The following SVOPL variants were observed in gnomAD, a reference collection of about 807,000 sequenced individuals.
SVOPL encodes the protein putative transporter SVOPL.
Under a neutral mutation model 61.0 loss-of-function variants are expected in SVOPL, and 60 were observed. The ratio of observed to expected loss-of-function variants is 0.98; its 90% CI spans 0.80 to 1.22. The LOEUF (loss-of-function observed/expected upper bound fraction) is 1.22. Among genes scored for constraint, SVOPL ranks in the 50% most tolerant of loss-of-function variants. The probability of loss-of-function intolerance (pLI) is 0.00; values close to 1 mark genes in which losing one functional copy is unlikely to be tolerated. For synonymous variants in SVOPL, 279 were observed against 250.0 expected (o/e 1.12, Z -1.09); for missense variants, 662 against 643.9 (o/e 1.03, Z -0.30).
chr7:138,602,839 C>A (rs1163533953), intron 14 of SVOPL, among the ~76,000 whole-genome samples: 4 of 151,970 alleles, frequency 2.6e-5, no homozygotes, highest in Non-Finnish European at 2.9e-5. Flanking sequence ...GGTAAGAAAC[C>A]TTTTTATGCC....
chr7:138,644,685 G>C (rs569230292), intron 9 of SVOPL, 32 bp downstream of exon 9: 1 of 1,610,658 alleles, frequency 6.2e-7, no homozygotes, highest in Admixed American at 1.7e-5. Context: ...GGCCACTGGT[G>C]ATAGGAGAAG....
intron 13 of SVOPL, among the ~76,000 whole-genome samples, chr7:138,622,282 C>CTATCTATGTATG (rs1799697616): frequency 1.5e-5 from 2 of 134,912 alleles, no homozygotes; most frequent in African/African-American, 5.7e-5. Context: ...ATCTATCTAT[C>CTATCTATGTATG]TATCTATCTA....
intron 9 of SVOPL, among the ~76,000 whole-genome samples, chr7:138,631,992 A>ACACACACACACACACACACACC (rs1224217933): frequency 6.6e-6 from 1 of 150,614 alleles, no homozygotes; most frequent in African/African-American, 2.4e-5. Context: ...ACATACACAC[A>ACACACACACACACACACACACC]CCCCTACACC....
chr7:138,700,747 G>A (rs1194373976), intron 1 of SVOPL, among the ~76,000 whole-genome samples: 1 of 151,706 alleles, frequency 6.6e-6, no homozygotes, highest in South Asian at 2.1e-4. Context: ...ACCAACTCAG[G>A]AAAATAGGGA....
At chr7:138,660,396 C>G in intron 5 of SVOPL, 4 of 987,454 alleles carry the variant, frequency 4.1e-6, no homozygotes, top group Non-Finnish European at 4.8e-6. Context: ...TCATAGTAAA[C>G]AATACAGAAG....
chr7:138,663,902 T>C (rs1447474558), intron 4 of SVOPL, among the ~76,000 whole-genome samples: 1 of 152,184 alleles, frequency 6.6e-6, no homozygotes, highest in Admixed American at 6.5e-5. Flanking sequence ...TCGCTGTCGC[T>C]GTTCTGCTTT....
chr7:138,638,489 T>C (rs1800612993), intron 9 of SVOPL, among the ~76,000 whole-genome samples: 1 of 152,048 alleles, frequency 6.6e-6, no homozygotes, highest in Non-Finnish European at 1.5e-5. Flanking sequence ...ATTGGCAAGA[T>C]CATATTTAGC....
intron 1 of SVOPL, among the ~76,000 whole-genome samples, chr7:138,681,331 A>T (rs1412720363): frequency 6.7e-6 from 1 of 148,524 alleles, no homozygotes; most frequent in Non-Finnish European, 1.5e-5. Flanking sequence ...AACATATAAT[A>T]TTAACAAATA....
rs182459129 is a variant in SVOPL at position 138,618,857 on chromosome 7, A to G, written c.1353+2189T>C. Among the ~76,000 whole-genome samples the G allele has an allele frequency of 9.1e-4, 138 of 152,360 alleles. 2 individuals are homozygous for G. Among genetic ancestry groups the G allele is most frequent in the Admixed American group, 1.5e-3 (23 of 15,298 alleles). On this transcript the variant is annotated intron_variant, in intron 14 of 15. Transcript: ENST00000674285. ...AATGAAGGGAGGGTAGCAGAAAAATATAACTGAGAATTACAAGGAGTTAAG... is the reference window on the plus strand; with the variant it reads ...AATGAAGGGAGGGTAGCAGAAAAATGTAACTGAGAATTACAAGGAGTTAAG...
intron 13 of SVOPL, among the ~76,000 whole-genome samples, chr7:138,623,720 AGATT>A (rs1004378890): frequency 8.5e-5 from 13 of 152,222 alleles, no homozygotes; most frequent in African/African-American, 3.1e-4. Flanking sequence ...TGTTACGCAT[AGATT>A]TTTTTGGTTT....
In SVOPL at chr7:138,678,998, T is replaced by A; in HGVS notation, c.48A>T (p.Lys16Asn). 6.4e-7 allele frequency: 1 copy of A among 1,551,704 alleles called. No homozygotes were observed. Among genetic ancestry groups the A allele is most frequent in the Non-Finnish European group, 8.7e-7 (1 of 1,146,982 alleles). Residue 16 changes from lysine to asparagine, a missense_variant, in exon 2 of 16, where the codon AAA (lysine) becomes AAT (asparagine). By Grantham distance (94) the Lys-to-Asn change is moderately conservative. Transcript: ENST00000674285. ...TEPVTILSLR[K>N]LSLGTAEPQV... ...GTGGCTCTGCGGTCCCCAGGCTCAA[T>A]TTCCGAAGGCTGAGGATCGTGACAG... is the stretch of plus-strand genomic sequence containing the variant.
chr7:138,641,817 T>TATATATATATATATATATATATAAC (rs1800806939), intron 9 of SVOPL, among the ~76,000 whole-genome samples: 1 of 129,584 alleles, frequency 7.7e-6, no homozygotes, highest in Non-Finnish European at 1.6e-5. Flanking sequence ...ATATATGTTA[T>TATATATATATATATATATATATAAC]ATATATATAT....
chr7:138,668,398 C>T (rs897823), intron 4 of SVOPL, among the ~76,000 whole-genome samples: 1,762 of 152,256 alleles, frequency 0.012, 22 homozygotes, highest in South Asian at 0.057. Flanking sequence ...GTCTAGTCAG[C>T]GGGCAAGGTG....
chr7:138,628,180 G>C lies in SVOPL; in HGVS notation c.1047C>G (p.Ile349Met). 6.2e-7 allele frequency: 1 copy of C among 1,614,166 alleles called. No homozygotes were observed. Among genetic ancestry groups the C allele is most frequent in the Non-Finnish European group, 8.5e-7 (1 of 1,180,032 alleles). Residue 349 changes from isoleucine to methionine, a missense_variant, in exon 11 of 16, where the codon ATC becomes ATG. By Grantham distance (10) the Ile-to-Met change is conservative. Transcript: ENST00000674285. ...FAPSDYRTMI[I>M]STIGEIALNP... ...TACAAGCAATTTCACCGATGGTGCT[G>C]ATGATCATGGTCCGATAGTCAGAGG...
chr7:138,651,163 G>A (rs543537549), intron 7 of SVOPL, among the ~76,000 whole-genome samples: 2 of 152,268 alleles, frequency 1.3e-5, no homozygotes, highest in Admixed American at 1.3e-4. Context: ...TAAAGGGGTA[G>A]CAGCTGGGAC....
intron 8 of SVOPL, 150 bp from the exon 9 acceptor site, chr7:138,644,995 G>A: frequency 9.7e-7 from 1 of 1,029,184 alleles, no homozygotes; most frequent in Non-Finnish European, 1.4e-6. Flanking sequence ...CAGGTATTCT[G>A]TTGGATTCAA....
intron 14 of SVOPL, among the ~76,000 whole-genome samples, chr7:138,618,764 GAA>G (rs920664312): frequency 1.3e-5 from 2 of 150,040 alleles, no homozygotes; most frequent in African/African-American, 4.9e-5. Context: ...AAAGAAAAAA[GAA>G]AAAGAAGGAA....
intron 14 of SVOPL, among the ~76,000 whole-genome samples, chr7:138,600,480 T>TAG (rs781272700): frequency 4.0e-5 from 6 of 151,542 alleles, no homozygotes; most frequent in Non-Finnish European, 8.8e-5. Flanking sequence ...CACACGCCTG[T>TAG]ACTCCCAGCT....
At chr7:138,614,507 C>T (rs773175150) in intron 14 of SVOPL, among the ~76,000 whole-genome samples, 64 of 151,784 alleles carry the variant, frequency 4.2e-4, no homozygotes, top group Admixed American at 7.9e-4. Context: ...GTGACTCTCC[C>T]GCCTCAGCCT....
Sources: allele counts gnomAD v4.1 joint callset (sites outside exome capture counted in the v4.1 genomes callset), GRCh38; gene constraint gnomAD v4.1.1; transcripts MANE v1.5; gene names NCBI Gene and HGNC (gene_info 2026-07-23, HGNC 2026-07-21).